Variants in GBE1 observed in about 807,000 individuals in gnomAD.
GBE1 encodes 1,4-alpha-glucan-branching enzyme.
A neutral mutation model predicts 88.8 loss-of-function variants in GBE1; 70 were observed. The ratio of observed to expected loss-of-function variants is 0.79; its 90% confidence interval spans 0.65 to 0.96. The LOEUF is 0.96. Among genes scored for constraint, GBE1 ranks in the 40% least tolerant of loss-of-function variants. The probability of loss-of-function intolerance (pLI) is 0.00; values close to 1 mark genes in which losing one functional copy is unlikely to be tolerated. For missense variants in GBE1, 872 were observed against 871.0 expected (o/e 1.00, Z -0.01); for synonymous variants, 284 against 300.1 (o/e 0.95, Z 0.56).
At chr3:81,592,405 ATT>A (rs10719127) in intron 8 of GBE1, among the ~76,000 whole-genome samples, 2 of 150,832 alleles carry the variant, frequency 1.3e-5, no homozygotes, top group African/African-American at 4.9e-5. Context: ...GAGTCCAACC[ATT>A]TTTTTTTCAT....
intron 12 of GBE1, among the ~76,000 whole-genome samples, chr3:81,549,566 G>A (rs900980913): frequency 2.6e-5 from 4 of 151,328 alleles, no homozygotes; most frequent in Non-Finnish European, 5.9e-5. Flanking sequence ...GATAAGCAAC[G>A]AATGTCACTT....
intron 3 of GBE1, among the ~76,000 whole-genome samples, chr3:81,664,305 G>A (rs1705078261): frequency 6.6e-6 from 1 of 152,066 alleles, no homozygotes; most frequent in Non-Finnish European, 1.5e-5. Flanking sequence ...ATCAAAATAA[G>A]TTTGAGAGAA....
Position 81,750,569 on chromosome 3 carries a change from A to G in GBE1, c.143+10806T>C, listed in dbSNP as rs28390221. ...TATATATGTATATATATATGTATATATATATACGTATATATATACGTATAT... is the reference window on the plus strand; with the variant it reads ...TATATATGTATATATATATGTATATGTATATACGTATATATATACGTATAT... On this transcript the variant is annotated intron_variant, in intron 1 of 15. Transcript: ENST00000429644. Among the ~76,000 whole-genome samples, 251 of 66,190 alleles carry G rather than the reference A, an allele frequency of 3.8e-3. 23 individuals carry two copies. Among genetic ancestry groups the G allele is most frequent in the Middle Eastern group, 0.012 (2 of 164 alleles). The allele number at this position is 66,190 out of a possible 152,430, so 43.4% of individuals were successfully genotyped here.
chr3:81,641,002 A>G (rs1704670243), intron 7 of GBE1, among the ~76,000 whole-genome samples: 1 of 152,122 alleles, frequency 6.6e-6, no homozygotes, highest in African/African-American at 2.4e-5. Flanking sequence ...TTTGAAAACA[A>G]TGATGTATGA....
At chr3:81,523,102 T>C (rs904118909) in intron 14 of GBE1, among the ~76,000 whole-genome samples, 2 of 151,408 alleles carry the variant, frequency 1.3e-5, no homozygotes, top group South Asian at 4.1e-4. Flanking sequence ...TCAGTATATA[T>C]AAACTAACAT....
chr3:81,522,076 G>C (rs866830855), intron 14 of GBE1, among the ~76,000 whole-genome samples: 14 of 151,360 alleles, frequency 9.2e-5, no homozygotes, highest in African/African-American at 3.4e-4. Flanking sequence ...ATTTTAATAA[G>C]GGAGATGCAA....
intron 7 of GBE1, among the ~76,000 whole-genome samples, chr3:81,617,287 T>C (rs1704261350): frequency 1.3e-5 from 2 of 152,020 alleles, no homozygotes; most frequent in African/African-American, 2.4e-5. Context: ...AGAATGGTGA[T>C]AGTGGACTTC....
At chr3:81,727,010 G>A (rs2107198760) in intron 1 of GBE1, among the ~76,000 whole-genome samples, 1 of 152,286 alleles carries the variant, frequency 6.6e-6, no homozygotes, top group East Asian at 1.9e-4. Flanking sequence ...GTAATGATGG[G>A]TGGAGGAGGG....
At position 81,490,255 on chromosome 3, in the gene GBE1, G is replaced by T. The variant is rs9820089; in HGVS notation, c.*152C>A. On this transcript the variant is annotated 3_prime_UTR_variant, in exon 16 of 16. Transcript: ENST00000429644. ...CCATCTACTTAAATAAAAGTTTGCTGTATTTGCATAAACCAATATTGAATT... is the reference window on the plus strand; with the variant it reads ...CCATCTACTTAAATAAAAGTTTGCTTTATTTGCATAAACCAATATTGAATT... The T allele has an allele frequency of 0.042, 27,168 of 652,126 alleles. 992 individuals carry two copies. Among genetic ancestry groups the T allele is most frequent in the African/African-American group, 0.12 (6,709 of 54,146 alleles). The allele number at this position is 652,126 out of a possible 1,614,324, so 40.4% of individuals were successfully genotyped here. A position where few individuals can be genotyped will look rare whatever the true frequency, so the allele number is the denominator to read the frequency against.
At chr3:81,522,634 A>C (rs545994505) in intron 14 of GBE1, among the ~76,000 whole-genome samples, 15 of 151,732 alleles carry the variant, frequency 9.9e-5, no homozygotes, top group African/African-American at 3.6e-4. Flanking sequence ...CTTTGTGAGT[A>C]TTCAAAGAGA....
At chr3:81,501,205 G>A (rs1473046742) in intron 14 of GBE1, among the ~76,000 whole-genome samples, 1 of 152,206 alleles carries the variant, frequency 6.6e-6, no homozygotes, top group Non-Finnish European at 1.5e-5. Flanking sequence ...AGACACAAGA[G>A]CTTGTGCCGG....
chr3:81,502,838 T>A (rs1702607578), intron 14 of GBE1, among the ~76,000 whole-genome samples: 1 of 152,168 alleles, frequency 6.6e-6, no homozygotes, highest in African/African-American at 2.4e-5. Context: ...TCTGTGAAAA[T>A]TTATCTCTGA....
chr3:81,491,923 A>G (rs1702441419), intron 15 of GBE1, among the ~76,000 whole-genome samples: 1 of 152,258 alleles, frequency 6.6e-6, no homozygotes, highest in Admixed American at 6.5e-5. Flanking sequence ...AATCAGACAT[A>G]TTGATACAGC....
chr3:81,660,897 G>C (rs1036207708), intron 3 of GBE1, among the ~76,000 whole-genome samples: 4 of 152,124 alleles, frequency 2.6e-5, no homozygotes, highest in Non-Finnish European at 5.9e-5. Context: ...GTTATTTCCT[G>C]TAGGCATACC....
chr3:81,646,620 T>G (rs1411262568), intron 5 of GBE1, 138 bp from the exon 6 acceptor site: 7 of 580,440 alleles, frequency 1.2e-5, no homozygotes, highest in Admixed American at 3.8e-5. Flanking sequence ...AAAGTTCTAC[T>G]ACTTTAACAT....
Position 81,563,220 on chromosome 3 carries a change from T to C in GBE1, c.1618+14705A>G, listed in dbSNP as rs34499431. On this transcript the variant is annotated intron_variant, in intron 12 of 15. Coordinates refer to ENST00000429644, the MANE Select transcript of GBE1 (RefSeq NM_000158.4). The stretch of plus-strand genomic sequence containing the variant: ...TTGGAAAGAAGATCTGTAGGTTTTC[T>C]GGTAACCTCTAGAAACTTACAGAAA... Among the ~76,000 whole-genome samples the C allele has an allele frequency of 9.0e-3, 1,374 of 152,288 alleles. 12 individuals carry two copies. The highest frequency in any genetic ancestry group is 0.013 in the Admixed American group (200 of 15,274).
At chr3:81,705,148 CA>C (rs1705756170) in intron 2 of GBE1, among the ~76,000 whole-genome samples, 1 of 152,070 alleles carries the variant, frequency 6.6e-6, no homozygotes, top group Non-Finnish European at 1.5e-5. Context: ...AGCTTGCTAA[CA>C]AAGTTAAGTA....
In GBE1 at chr3:81,649,105, C is replaced by A; in HGVS notation, c.556-114G>T. The A allele has an allele frequency of 1.4e-6, 1 of 723,238 alleles. No homozygotes were observed. The highest frequency in any genetic ancestry group is 2.1e-6 in the Non-Finnish European group (1 of 467,036). 44.8% of individuals were successfully genotyped at this position (723,238 alleles called of 1,614,324 possible). On this transcript the variant is annotated intron_variant, in intron 4 of 15. Coordinates refer to ENST00000429644, the MANE Select transcript of GBE1 (RefSeq NM_000158.4). The stretch of plus-strand genomic sequence containing the variant: ...ATACTCAAACACTTGGAACTATTCT[C>A]ACATATAAAAGGCACCAGCTACACT...
Position 81,702,098 on chromosome 3 carries a change from AGAGAGTGTGTGTGTGTGTGT to A in GBE1, c.313+3326_313+3345del, listed in dbSNP as rs1425411313. 9.7e-3 allele frequency among the ~76,000 whole-genome samples: 397 copies of A among 40,786 alleles called. 6 individuals are homozygous for A. The highest frequency in any genetic ancestry group is 0.039 in the African/African-American group (375 of 9,548). 26.8% of individuals were successfully genotyped at this position (40,786 alleles called of 152,430 possible). A position where few individuals can be genotyped will look rare whatever the true frequency, so the allele number is the denominator to read the frequency against. On this transcript the variant is annotated intron_variant, in intron 2 of 15. Transcript: ENST00000429644. ...AGAATCCCTGGAGAGAGAGAGAGAG[AGAGAGTGTGTGTGTGTGTGT>A]GTGTGTGTGTGTGTGTGTGTGTGTG...
Sources: allele counts gnomAD v4.1 joint callset (sites outside exome capture counted in the v4.1 genomes callset), GRCh38; gene constraint gnomAD v4.1.1; transcripts MANE v1.5; gene names NCBI Gene and HGNC (gene_info 2026-07-23, HGNC 2026-07-21).